The following B3GALT5 variants were observed in gnomAD, a reference collection of about 807,000 sequenced individuals.
The protein encoded by B3GALT5 is beta-1,3-galactosyltransferase 5.
For synonymous variants in B3GALT5, 156 were observed against 158.6 expected (o/e 0.98, Z 0.12); for missense variants, 328 against 396.6 (o/e 0.83, Z 1.47).
In B3GALT5 at chr21:39,668,530, G is replaced by A. The variant is rs2079598793; in HGVS notation, c.*7038G>A. 1 of 152,234 alleles carries A rather than the reference G, an allele frequency of 6.6e-6. No homozygotes were observed. Among genetic ancestry groups the A allele is most frequent in the Non-Finnish European group, 1.5e-5 (1 of 68,080 alleles). The allele number at this position is 152,234 out of a possible 1,614,324, so 9.4% of individuals were successfully genotyped here. A position where few individuals can be genotyped will look rare whatever the true frequency, so the allele number is the denominator to read the frequency against. On this transcript the variant is annotated 3_prime_UTR_variant, in exon 4 of 4. Transcript: ENST00000684187. ...GGAAGTTGTAGCCTCCTCCTCCCAT[G>A]ACATCATCCTCACACGTGCTCAGTG...
At chr21:39,616,785 TTG>T (rs369716145) in intron 1 of B3GALT5, among the ~76,000 whole-genome samples, 4 of 152,264 alleles carry the variant, frequency 2.6e-5, no homozygotes, top group African/African-American at 9.6e-5. Flanking sequence ...ATAATCATGA[TTG>T]GTGGATTTAG....
chr21:39,641,579 A>T (rs149075523), intron 1 of B3GALT5, among the ~76,000 whole-genome samples: 178 of 152,336 alleles, frequency 1.2e-3, no homozygotes, highest in African/African-American at 4.2e-3. Context: ...GGAATAGCTC[A>T]TTCCACCTTT....
chr21:39,637,466 T>G (rs1045196389), intron 1 of B3GALT5, among the ~76,000 whole-genome samples: 1 of 152,256 alleles, frequency 6.6e-6, no homozygotes. Flanking sequence ...GTCAGTCAGC[T>G]AAGGCTTACG....
chr21:39,625,539 T>G (rs1217195805), intron 1 of B3GALT5, among the ~76,000 whole-genome samples: 4 of 152,236 alleles, frequency 2.6e-5, no homozygotes, highest in African/African-American at 9.6e-5. Flanking sequence ...ATTTATTAGT[T>G]TCAAATAAAT....
intron 1 of B3GALT5, among the ~76,000 whole-genome samples, chr21:39,640,282 G>A (rs1317408090): frequency 6.6e-6 from 1 of 152,176 alleles, no homozygotes; most frequent in South Asian, 2.1e-4. Flanking sequence ...GTGTCTTGTG[G>A]TTGATAAGCA....
intron 1 of B3GALT5, among the ~76,000 whole-genome samples, chr21:39,616,176 C>T (rs977187465): frequency 5.9e-5 from 9 of 152,060 alleles, no homozygotes; most frequent in Admixed American, 3.9e-4. Context: ...AGCAAGACCC[C>T]GTCTCTGAAA....
intron 1 of B3GALT5, among the ~76,000 whole-genome samples, chr21:39,633,378 A>T (rs2079204810): frequency 6.6e-6 from 1 of 152,156 alleles, no homozygotes; most frequent in Non-Finnish European, 1.5e-5. Context: ...TGCTTATATG[A>T]CACCTGGATG....
At chr21:39,656,646 C>A (rs953764994) in intron 2 of B3GALT5, among the ~76,000 whole-genome samples, 10 of 152,198 alleles carry the variant, frequency 6.6e-5, no homozygotes, top group Non-Finnish European at 1.0e-4. Flanking sequence ...CCAGACCCCC[C>A]CTTCAGTTTT....
chr21:39,648,302 A>C (rs79031152), intron 2 of B3GALT5, among the ~76,000 whole-genome samples: 1 of 149,852 alleles, frequency 6.7e-6, no homozygotes, highest in East Asian at 2.0e-4. Flanking sequence ...AAAGGTACTT[A>C]AGTTAAAAAA....
At chr21:39,658,611 A>G (rs553457759) in intron 2 of B3GALT5, among the ~76,000 whole-genome samples, 1 of 152,302 alleles carries the variant, frequency 6.6e-6, no homozygotes, top group East Asian at 1.9e-4. Context: ...AGAAAGAGAA[A>G]GAAAAGTAAA....
intron 2 of B3GALT5, among the ~76,000 whole-genome samples, chr21:39,651,458 C>A (rs529138562): frequency 2.0e-5 from 3 of 152,198 alleles, no homozygotes; most frequent in Non-Finnish European, 4.4e-5. Flanking sequence ...GCCCTGCCTT[C>A]CTCTTCACAC....
chr21:39,661,062 A>G lies in B3GALT5; in HGVS notation c.503A>G (p.Glu168Gly). 3 of 1,614,198 alleles carry G rather than the reference A, an allele frequency of 1.9e-6. No homozygotes were observed. Among genetic ancestry groups the G allele is most frequent in the Middle Eastern group, 1.6e-4 (1 of 6,062 alleles). Reference protein sequence around the residue: ...DMFINVDYLTELLLKKNRTTR... With the variant: ...DMFINVDYLTGLLLKKNRTTR... ...TTCATCAATGTTGACTATCTGACTG[A>G]ACTGCTTCTGAAGAAAAACAGAACA... Residue 168 changes from glutamate (E) to glycine (G), a missense_variant, in exon 4 of 4, where the codon GAA (glutamate) becomes GGA (glycine). Coordinates refer to ENST00000684187, the MANE Select transcript of B3GALT5 (RefSeq NM_001356336.2). The surrounding 1 kb of genome is among the most constrained non-coding windows in gnomAD (Gnocchi z 4.7).
chr21:39,633,862 G>A (rs549085392), intron 1 of B3GALT5, among the ~76,000 whole-genome samples: 5 of 152,296 alleles, frequency 3.3e-5, no homozygotes, highest in African/African-American at 9.6e-5. Flanking sequence ...TTTTCTGTTT[G>A]AAGAAACGGA....
intron 1 of B3GALT5, among the ~76,000 whole-genome samples, chr21:39,634,911 G>A (rs1438414692): frequency 6.6e-6 from 1 of 152,164 alleles, no homozygotes; most frequent in Non-Finnish European, 1.5e-5. Flanking sequence ...GCAGGCCAGA[G>A]GAAGCTCTGT....
At position 39,661,117 on chromosome 21, in the gene B3GALT5, C is replaced by A. The variant is rs1324719024; in HGVS notation, c.558C>A (p.Leu186=). Residue 186 remains leucine, a synonymous_variant, in exon 4 of 4, where the codon CTC becomes CTA. Coordinates refer to ENST00000684187, the MANE Select transcript of B3GALT5 (RefSeq NM_001356336.2). The surrounding 1 kb of genome is among the most constrained non-coding windows in gnomAD (Gnocchi z 4.7). The stretch of plus-strand genomic sequence containing the variant: ...GGTTTTTCACTGGCTTCTTGAAACT[C>A]AATGAGTTTCCCATCAGGCAGCCAT... The part of the protein sequence containing the change: ...TTRFFTGFLK[L]NEFPIRQPFS... 6.2e-7 allele frequency: 1 copy of A among 1,614,140 alleles called. No individual in the cohort carries two copies. The highest frequency in any genetic ancestry group is 8.5e-7 in the Non-Finnish European group (1 of 1,179,990).
At chr21:39,618,309 G>A (rs1341306188) in intron 1 of B3GALT5, among the ~76,000 whole-genome samples, 1 of 152,132 alleles carries the variant, frequency 6.6e-6, no homozygotes, top group Non-Finnish European at 1.5e-5. Flanking sequence ...GTACTTTAGA[G>A]TACATACCTA....
chr21:39,650,351 C>A (rs944366658), intron 2 of B3GALT5, among the ~76,000 whole-genome samples: 1 of 152,182 alleles, frequency 6.6e-6, no homozygotes, highest in Non-Finnish European at 1.5e-5. Context: ...CGTGTTCCTG[C>A]CTTCACTGGT....
In B3GALT5 at chr21:39,665,247, C is replaced by T. The variant is rs1904393409; in HGVS notation, c.*3755C>T. On this transcript the variant is annotated 3_prime_UTR_variant, in exon 4 of 4. Transcript: ENST00000684187. ...TGTGGGAACTACCTTCAAATTCTCT[C>T]CAGGAGCCAACCACCTCCTGCCCCT... 1 of 152,258 alleles carries T rather than the reference C, an allele frequency of 6.6e-6. No individual in the cohort carries two copies. 9.4% of individuals were successfully genotyped at this position (152,258 alleles called of 1,614,324 possible).
chr21:39,646,148 T>C (rs1357701023), intron 1 of B3GALT5, among the ~76,000 whole-genome samples: 1 of 152,128 alleles, frequency 6.6e-6, no homozygotes, highest in Admixed American at 6.5e-5. Flanking sequence ...GGTGGCAGGC[T>C]GCCTCTGCAG....
Sources: allele counts gnomAD v4.1 joint callset (sites outside exome capture counted in the v4.1 genomes callset), GRCh38; gene constraint gnomAD v4.1.1; non-coding constraint Gnocchi (gnomAD v3.1); transcripts MANE v1.5; gene names NCBI Gene and HGNC (gene_info 2026-07-23, HGNC 2026-07-21).